SOX6: variants seen among roughly 807,000 people sequenced by gnomAD.
SOX6 encodes transcription factor SOX-6.
SOX6 carries 11 observed loss-of-function variants against 97.8 expected under a neutral mutation model. The observed-to-expected ratio is 0.11, with a 90% CI of 0.07 to 0.19. The LOEUF (loss-of-function observed/expected upper bound fraction) is 0.19, where lower values mean the gene tolerates loss of function less well. Among genes scored for constraint, SOX6 ranks in the 10% least tolerant of loss-of-function variants. The pLI, the probability that SOX6 is intolerant of heterozygous loss-of-function variation, is 1.00. For missense variants in SOX6, 810 were observed against 1,039.5 expected, an observed-to-expected ratio of 0.78 and a Z score of 3.04; for synonymous variants, 360 against 371.4, an observed-to-expected ratio of 0.97 and a Z score of 0.35.
intron 3 of SOX6, among the ~76,000 whole-genome samples, chr11:16,287,276 TCTCTCTCTCTCTCTCTCTCTCTCACA>T (rs1393821614): frequency 2.8e-5 from 1 of 36,300 alleles, no homozygotes; most frequent in Non-Finnish European, 7.3e-5. Flanking sequence ...TCTCTCTCTC[TCTCTCTCTCTCTCTCTCTCTCTCACA>T]CACACACACA....
intron 4 of SOX6, among the ~76,000 whole-genome samples, chr11:16,544,775 CG>C (rs1001314530): frequency 6.6e-6 from 1 of 151,140 alleles, no homozygotes; most frequent in African/African-American, 2.4e-5. Flanking sequence ...ACCCATGACA[CG>C]GAGAAAAATC....
At chr11:16,463,789 A>G (rs1464847235) in intron 1 of SOX6, among the ~76,000 whole-genome samples, 1 of 152,234 alleles carries the variant, frequency 6.6e-6, no homozygotes, top group Non-Finnish European at 1.5e-5. Flanking sequence ...TCTTATATAT[A>G]ATCATAACTT....
intron 3 of SOX6, among the ~76,000 whole-genome samples, chr11:16,250,828 C>T (rs1266521619): frequency 1.3e-5 from 2 of 151,938 alleles, no homozygotes; most frequent in African/African-American, 4.8e-5. Context: ...TTAACTAATT[C>T]ACATATATCA....
At chr11:16,531,979 TAGTA>T (rs994292833) in intron 4 of SOX6, among the ~76,000 whole-genome samples, 2 of 151,900 alleles carry the variant, frequency 1.3e-5, no homozygotes, top group African/African-American at 2.4e-5. Flanking sequence ...CTACTTTAGA[TAGTA>T]AGTAAGAGTT....
rs543685033 is a variant in SOX6 at position 16,250,241 on chromosome 11, G to C, written c.446-15570C>G. Among the ~76,000 whole-genome samples the C allele has an allele frequency of 4.0e-5, 6 of 151,784 alleles. No individual in the cohort carries two copies. In the South Asian group the frequency reaches 1.2e-3, roughly 32 times the overall value. On this transcript the variant is annotated intron_variant, in intron 3 of 15. Coordinates refer to ENST00000683767, the MANE Select transcript of SOX6 (RefSeq NM_001367873.1). Reference sequence around the variant, plus strand: ...TGCTCTCCTTATGATAAAGAATTTTGAGTGCCATTAAATTTTATAAAACAT... The same window carrying C: ...TGCTCTCCTTATGATAAAGAATTTTCAGTGCCATTAAATTTTATAAAACAT...
chr11:16,641,512 A>T (rs1848913603), intron 3 of SOX6, among the ~76,000 whole-genome samples: 1 of 151,994 alleles, frequency 6.6e-6, no homozygotes. Flanking sequence ...GGGGTGTTAA[A>T]GTCTCTCGTT....
chr11:15,985,853 G>A (rs1255643967), intron 15 of SOX6, among the ~76,000 whole-genome samples: 1 of 152,172 alleles, frequency 6.6e-6, no homozygotes, highest in East Asian at 1.9e-4. Flanking sequence ...AAGCTGGAAA[G>A]CTTATGGGGA....
chr11:16,574,356 T>G (rs1351917190), intron 4 of SOX6, among the ~76,000 whole-genome samples: 1 of 152,080 alleles, frequency 6.6e-6, no homozygotes, highest in African/African-American at 2.4e-5. Context: ...GCATTTGACA[T>G]AAGACAAAGG....
intron 3 of SOX6, among the ~76,000 whole-genome samples, chr11:16,237,281 T>C (rs1853053382): frequency 6.6e-6 from 1 of 152,000 alleles, no homozygotes; most frequent in Non-Finnish European, 1.5e-5. Flanking sequence ...ATGATATTTT[T>C]TCTCAGAAGT....
chr11:16,144,149 G>C (rs1850226095), intron 6 of SOX6, among the ~76,000 whole-genome samples: 1 of 152,144 alleles, frequency 6.6e-6, no homozygotes, highest in African/African-American at 2.4e-5. Flanking sequence ...ATAATAAACT[G>C]TCTCTCAGAC....
intron 3 of SOX6, among the ~76,000 whole-genome samples, chr11:16,275,424 C>G (rs1482485108): frequency 2.0e-5 from 3 of 152,008 alleles, no homozygotes; most frequent in African/African-American, 7.2e-5. Flanking sequence ...CCACTGCACT[C>G]CAGCCTGGGC....
chr11:16,010,320 T>C (rs1321996107), intron 13 of SOX6, among the ~76,000 whole-genome samples: 1 of 152,044 alleles, frequency 6.6e-6, no homozygotes, highest in Non-Finnish European at 1.5e-5. Flanking sequence ...TCCATTTGAA[T>C]CAATGCAAAG....
At chr11:16,394,121 C>T (rs570911341) in intron 1 of SOX6, among the ~76,000 whole-genome samples, 1 of 152,010 alleles carries the variant, frequency 6.6e-6, no homozygotes, top group South Asian at 2.1e-4. Flanking sequence ...TTTCATCTTT[C>T]CAAATATTGT....
chr11:16,047,628 T>C (rs1263641191), intron 11 of SOX6, among the ~76,000 whole-genome samples: 1 of 152,064 alleles, frequency 6.6e-6, no homozygotes, highest in Non-Finnish European at 1.5e-5. Flanking sequence ...AATTTTTTGA[T>C]GATAGGTTTC....
rs565612432 is a variant in SOX6 at position 16,276,689 on chromosome 11, T to A, written c.445+41757A>T. Among the ~76,000 whole-genome samples the A allele has an allele frequency of 1.9e-4, 29 of 152,326 alleles. 1 individual carries two copies. In the East Asian group the frequency reaches 5.4e-3, roughly 28 times the overall value. On this transcript the variant is annotated intron_variant, in intron 3 of 15. Coordinates refer to ENST00000683767, the MANE Select transcript of SOX6 (RefSeq NM_001367873.1). ...GGAATGCAATCAAGTCCTAACATTG[T>A]CAACCTCCTGTACCCATACCAGAAA...
chr11:16,168,652 T>C (rs565613413), intron 6 of SOX6, among the ~76,000 whole-genome samples: 8 of 152,124 alleles, frequency 5.3e-5, no homozygotes, highest in Non-Finnish European at 1.2e-4. Flanking sequence ...CTTCTCCAAG[T>C]CACATAGTCA....
At chr11:16,262,518 T>A (rs1166290357) in intron 3 of SOX6, among the ~76,000 whole-genome samples, 1 of 152,050 alleles carries the variant, frequency 6.6e-6, no homozygotes, top group East Asian at 1.9e-4. Flanking sequence ...GTTCTGTAAA[T>A]CATTAGCTAT....
chr11:16,131,495 T>C (rs1849738019), intron 6 of SOX6, among the ~76,000 whole-genome samples: 1 of 152,050 alleles, frequency 6.6e-6, no homozygotes, highest in African/African-American at 2.4e-5. Context: ...TTTCATACAT[T>C]GCTGGTTGGA....
At chr11:16,152,083 T>A (rs754504317) in intron 6 of SOX6, among the ~76,000 whole-genome samples, 2 of 152,200 alleles carry the variant, frequency 1.3e-5, no homozygotes, top group Non-Finnish European at 2.9e-5. Flanking sequence ...ATCAAATACA[T>A]CATAGGGAAC....
Sources: allele counts gnomAD v4.1 joint callset (sites outside exome capture counted in the v4.1 genomes callset), GRCh38; gene constraint gnomAD v4.1.1; transcripts MANE v1.5; gene names NCBI Gene and HGNC (gene_info 2026-07-23, HGNC 2026-07-21).